RPTOR: variants seen among roughly 807,000 people sequenced by gnomAD.
The protein encoded by RPTOR is regulatory-associated protein of mTOR.
In RPTOR, 21 loss-of-function variants were observed where a neutral mutation model predicts 169.9. The ratio of observed to expected loss-of-function variants is 0.12; its 90% CI spans 0.09 to 0.18. RPTOR has a LOEUF of 0.18. RPTOR is among the 10% of genes least tolerant of loss of function. The probability of loss-of-function intolerance (pLI) is 1.00; values close to 1 mark genes in which losing one functional copy is unlikely to be tolerated. For missense variants in RPTOR, 1,133 were observed against 1,855.9 expected (o/e 0.61, Z 7.16); for synonymous variants, 732 against 753.2 (o/e 0.97, Z 0.46).
intron 20 of RPTOR, among the ~76,000 whole-genome samples, chr17:80,902,773 C>A (rs1021917269): frequency 4.6e-5 from 7 of 152,274 alleles, no homozygotes; most frequent in Non-Finnish European, 1.0e-4. Flanking sequence ...CACTCCCACG[C>A]TCATCCGTCC....
chr17:80,831,854 T>TCACC (rs34920148), intron 9 of RPTOR, among the ~76,000 whole-genome samples: 2 of 11,022 alleles, frequency 1.8e-4, no homozygotes, highest in East Asian at 0.05. Context: ...TCCCTGTGTG[T>TCACC]GCCTGTATGT....
intron 3 of RPTOR, among the ~76,000 whole-genome samples, chr17:80,694,936 G>A (rs921821370): frequency 3.3e-5 from 5 of 152,216 alleles, no homozygotes; most frequent in Admixed American, 2.6e-4. Context: ...AGTGCCACGG[G>A]CAGCTATATC....
chr17:80,943,197 G>A (rs1183780785), intron 25 of RPTOR, among the ~76,000 whole-genome samples: 1 of 152,246 alleles, frequency 6.6e-6, no homozygotes, highest in South Asian at 2.1e-4. Flanking sequence ...AAGCGGAGGG[G>A]CTGTCAGCTG....
intron 7 of RPTOR, among the ~76,000 whole-genome samples, chr17:80,799,890 G>A (rs561645600): frequency 3.9e-5 from 6 of 152,312 alleles, no homozygotes; most frequent in East Asian, 1.9e-4. Context: ...TGTTTGTCAC[G>A]CACAGACCTG....
At chr17:80,729,080 C>T (rs534287162) in intron 4 of RPTOR, among the ~76,000 whole-genome samples, 2 of 152,324 alleles carry the variant, frequency 1.3e-5, no homozygotes, top group East Asian at 1.9e-4. Context: ...ATATAACTTA[C>T]GTCTGAGATG....
At chr17:80,812,036 C>T (rs1330526981) in intron 7 of RPTOR, among the ~76,000 whole-genome samples, 2 of 152,388 alleles carry the variant, frequency 1.3e-5, no homozygotes, top group African/African-American at 4.8e-5. Context: ...CACACCCTCT[C>T]GAACAAGGCC....
At chr17:80,635,506 T>TG (rs2065498822) in intron 2 of RPTOR, among the ~76,000 whole-genome samples, 1 of 151,926 alleles carries the variant, frequency 6.6e-6, no homozygotes, top group African/African-American at 2.4e-5. Flanking sequence ...TGGCAGATGG[T>TG]GGGGTACCAT....
intron 25 of RPTOR, among the ~76,000 whole-genome samples, chr17:80,944,759 G>A (rs900840517): frequency 1.1e-4 from 16 of 152,192 alleles, no homozygotes; most frequent in Non-Finnish European, 2.4e-4. Flanking sequence ...GAGAAGCCAA[G>A]GTGGATGGAT....
At chr17:80,864,164 C>T (rs1364250495) in intron 13 of RPTOR, among the ~76,000 whole-genome samples, 2 of 152,086 alleles carry the variant, frequency 1.3e-5, no homozygotes, top group Non-Finnish European at 2.9e-5. Context: ...ACCCCAAGCA[C>T]AAGAAAACTA....
intron 14 of RPTOR, 23 bp from the exon 15 acceptor site, chr17:80,883,396 C>T (rs1289703423): frequency 6.2e-7 from 1 of 1,612,880 alleles, no homozygotes; most frequent in African/African-American, 1.3e-5. Flanking sequence ...GGGAGACGAC[C>T]AGGACTGGTT....
Position 80,963,821 on chromosome 17 carries a change from G to C in RPTOR, c.3940-441G>C, listed in dbSNP as rs546635354. Among the ~76,000 whole-genome samples the C allele has an allele frequency of 8.1e-5, 12 of 148,052 alleles. 1 individual carries two copies. Among genetic ancestry groups the C allele is most frequent in the African/African-American group, 3.0e-4 (12 of 39,904 alleles). On this transcript the variant is annotated intron_variant, in intron 33 of 33. Coordinates refer to ENST00000306801, the MANE Select transcript of RPTOR (RefSeq NM_020761.3). The stretch of plus-strand genomic sequence containing the variant: ...GCGGCCCTCACCCCGTCCGCTGTGC[G>C]GCCGAGTCCTCACCCTGTCCCCTGT...
chr17:80,686,033 T>C (rs925555260), intron 3 of RPTOR, among the ~76,000 whole-genome samples: 5 of 152,050 alleles, frequency 3.3e-5, no homozygotes, highest in Non-Finnish European at 7.4e-5. Context: ...CTCCGACCCA[T>C]CTGGTGCTGT....
At chr17:80,714,216 C>CT (rs1200347134) in intron 4 of RPTOR, among the ~76,000 whole-genome samples, 1 of 152,166 alleles carries the variant, frequency 6.6e-6, no homozygotes, top group Non-Finnish European at 1.5e-5. Flanking sequence ...GCTGGGATTA[C>CT]GGATGTGAGC....
intron 6 of RPTOR, among the ~76,000 whole-genome samples, chr17:80,758,629 C>T (rs1309965297): frequency 6.6e-6 from 1 of 152,128 alleles, no homozygotes; most frequent in African/African-American, 2.4e-5. Flanking sequence ...GCTGGAGCTT[C>T]TGTAGACGCA....
intron 1 of RPTOR, among the ~76,000 whole-genome samples, chr17:80,553,308 G>A (rs1380990944): frequency 2.0e-5 from 3 of 152,198 alleles, no homozygotes; most frequent in East Asian, 1.9e-4. Flanking sequence ...GACGCAGCAC[G>A]TCCCAAAGGA....
At position 80,803,159 on chromosome 17, in the gene RPTOR, G is replaced by A. The variant is rs533438369; in HGVS notation, c.890+11650G>A. The A allele has an allele frequency of 2.7e-4, 41 of 152,430 alleles. No individual in the cohort carries two copies. Among genetic ancestry groups the A allele is most frequent in the African/African-American group, 9.4e-4 (39 of 41,578 alleles). The allele number at this position is 152,430 out of a possible 1,614,324, so 9.4% of individuals were successfully genotyped here. A position where few individuals can be genotyped will look rare whatever the true frequency, so the allele number is the denominator to read the frequency against. On this transcript the variant is annotated intron_variant, in intron 7 of 33. Transcript: ENST00000306801. The surrounding 1 kb of genome is among the most constrained non-coding windows in gnomAD (Gnocchi z 6.2). The stretch of plus-strand genomic sequence containing the variant: ...TGTGCGTGGCTGCAGACTTGCAATC[G>A]GTGATAAAGCAGTGTGGCGTGAGGC...
chr17:80,753,508 C>T (rs2066649397), intron 5 of RPTOR, among the ~76,000 whole-genome samples: 1 of 151,464 alleles, frequency 6.6e-6, no homozygotes, highest in South Asian at 2.1e-4. Flanking sequence ...TGGCGTGCGC[C>T]TGTAGTCCCA....
intron 5 of RPTOR, among the ~76,000 whole-genome samples, chr17:80,740,803 C>T (rs546433066): frequency 1.3e-5 from 2 of 152,250 alleles, no homozygotes; most frequent in Non-Finnish European, 2.9e-5. Flanking sequence ...ACCTAACAGC[C>T]GTCCTTTTAC....
At chr17:80,945,850 CG>C (rs1488873694) in intron 26 of RPTOR, 69 bp downstream of exon 26, 4 of 849,030 alleles carry the variant, frequency 4.7e-6, no homozygotes, top group South Asian at 2.1e-5. Flanking sequence ...TGTTCTCCCC[CG>C]ATCACCACTC....
Sources: allele counts gnomAD v4.1 joint callset (sites outside exome capture counted in the v4.1 genomes callset), GRCh38; gene constraint gnomAD v4.1.1; non-coding constraint Gnocchi (gnomAD v3.1); transcripts MANE v1.5; gene names NCBI Gene and HGNC (gene_info 2026-07-23, HGNC 2026-07-21).